Variants in KMT2C observed in about 807,000 individuals in gnomAD.
KMT2C encodes the protein histone-lysine N-methyltransferase 2C.
KMT2C carries 88 observed loss-of-function variants against 507.9 expected under a neutral mutation model. That is an observed-to-expected ratio of 0.17 (90% CI 0.15 to 0.21). The LOEUF (loss-of-function observed/expected upper bound fraction) is 0.21, where lower values mean the gene tolerates loss of function less well. Ranked by LOEUF, KMT2C falls within the 10% of genes least tolerant of loss-of-function variation. The probability of loss-of-function intolerance (pLI) is 1.00; values close to 1 mark genes in which losing one functional copy is unlikely to be tolerated. For synonymous variants in KMT2C, 2,049 were observed against 2,080.8 expected, an observed-to-expected ratio of 0.98 and a Z score of 0.42; for missense variants, 4,954 against 5,957.8, an observed-to-expected ratio of 0.83 and a Z score of 5.55.
Position 152,162,869 on chromosome 7 carries a change from A to G in KMT2C, c.10708T>C (p.Cys3570Arg), listed in dbSNP as rs1415948740. The G allele has an allele frequency of 6.2e-7, 1 of 1,614,208 alleles. No homozygotes were observed. Among genetic ancestry groups the G allele is most frequent in the South Asian group, 1.1e-5 (1 of 91,090 alleles). The change falls in exon 43 of 59, where the codon TGT becomes CGT. Residue 3570 changes from cysteine to arginine, a missense_variant. Cys to Arg is a radical substitution (Grantham distance 180, BLOSUM62 -3). Transcript: ENST00000262189. ...TGGGTTATAGTAGAATCTTGGCCACATGGGAGACTGCTATTAGCTACTGGA... is the reference window on the plus strand; with the variant it reads ...TGGGTTATAGTAGAATCTTGGCCACGTGGGAGACTGCTATTAGCTACTGGA... ...APPVANSSLP[C>R]GQDSTITHGH...
rs185114134 is a variant in KMT2C at position 152,237,731 on chromosome 7, C to T, written c.2652+976G>A. On this transcript the variant is annotated intron_variant, in intron 15 of 58. Coordinates refer to ENST00000262189, the MANE Select transcript of KMT2C (RefSeq NM_170606.3). ...GGCCAGGTTGGCCTCGAACTCCTGA[C>T]CTCAAGTGATCTGCCCCCTCAGCCT... Among the ~76,000 whole-genome samples the T allele has an allele frequency of 5.5e-4, 84 of 152,190 alleles. 1 individual carries two copies. The South Asian group carries it at 0.011, about 20-fold the overall frequency.
At chr7:152,295,813 T>C (rs951316257) in intron 6 of KMT2C, among the ~76,000 whole-genome samples, 26 of 152,192 alleles carry the variant, frequency 1.7e-4, no homozygotes, top group African/African-American at 6.3e-4. Context: ...ACGCCTGTAA[T>C]CCCAGCACTT....
Position 152,250,261 on chromosome 7 carries a change from C to CTT in KMT2C, c.1736-310_1736-309dup, listed in dbSNP as rs1289017714. Among the ~76,000 whole-genome samples, 3 of 152,140 alleles carry CTT rather than the reference C, an allele frequency of 2.0e-5. No homozygotes were observed. The East Asian group carries it at 5.8e-4, about 29-fold the overall frequency. ...AATAAATTTCAAAACATCTCAGTGG[C>CTT]TTTTTATGTATACATTATAATTTTT... On this transcript the variant is annotated intron_variant, in intron 12 of 58. Transcript: ENST00000262189.
intron 6 of KMT2C, among the ~76,000 whole-genome samples, chr7:152,302,007 ATAGGAAGGCTATTTTTG>A (rs2096573343): frequency 3.3e-5 from 5 of 152,288 alleles, no homozygotes; most frequent in Non-Finnish European, 5.9e-5. Flanking sequence ...CCACCTTACT[ATAGGAAGGCTATTTTTG>A]TTTCTGCAGT....
rs781749494 is a variant in KMT2C, at chr7:152,135,825, C to T, written c.*1007G>A. Reference sequence around the variant, plus strand: ...AAAGTTGTAGTCGTAGCATACGCCCCGCTCTGTCAGAAGTAAGGTGTATAA... The same window carrying T: ...AAAGTTGTAGTCGTAGCATACGCCCTGCTCTGTCAGAAGTAAGGTGTATAA... On this transcript the variant is annotated 3_prime_UTR_variant, in exon 59 of 59. Transcript: ENST00000262189. 4.3e-5 allele frequency: 10 copies of T among 230,718 alleles called. No individual in the cohort carries two copies. The highest frequency in any genetic ancestry group is 7.7e-5 in the Non-Finnish European group (9 of 116,356). The allele number at this position is 230,718 out of a possible 1,614,324, so 14.3% of individuals were successfully genotyped here.
chr7:152,200,966 T>C, intron 26 of KMT2C, among the ~76,000 whole-genome samples: 1 of 152,078 alleles, frequency 6.6e-6, no homozygotes, highest in African/African-American at 2.4e-5. Flanking sequence ...GAATACCAGG[T>C]AGAAGAGGAT....
chr7:152,312,492 T>A (rs542375984), intron 4 of KMT2C, among the ~76,000 whole-genome samples: 1 of 152,206 alleles, frequency 6.6e-6, no homozygotes, highest in Admixed American at 6.5e-5. Flanking sequence ...AGCTTTCTTA[T>A]GGTCCCGTCA....
At chr7:152,284,397 C>T (rs2096265427) in intron 6 of KMT2C, among the ~76,000 whole-genome samples, 1 of 151,938 alleles carries the variant, frequency 6.6e-6, no homozygotes, top group Admixed American at 6.6e-5. Context: ...CTAAATAATC[C>T]GTATGGAAAA....
rs779038579 is a variant in KMT2C at position 152,144,770 on chromosome 7, G to A, written c.14286C>T (p.Tyr4762=). ...ATTTCCATTCAGTTTTCATCTTCCG[G>A]TACTGCGATGACTTGGAGTGAACAA... ...KQFVHSKSSQ[Y]RKMKTEWKSN... The change falls in exon 55 of 59, where the codon TAC becomes TAT. Residue 4762 remains tyrosine (Y), a synonymous_variant. Transcript: ENST00000262189. This position sits in a 1 kb window ranked among gnomAD's most constrained non-coding sequence, Gnocchi z 4.4. 4 of 1,613,970 alleles carry A rather than the reference G, an allele frequency of 2.5e-6. No individual in the cohort carries two copies. The highest frequency in any genetic ancestry group is 1.7e-6 in the Non-Finnish European group (2 of 1,180,006).
intron 9 of KMT2C, among the ~76,000 whole-genome samples, chr7:152,255,311 C>T (rs1040235685): frequency 1.3e-5 from 2 of 151,044 alleles, no homozygotes; most frequent in African/African-American, 4.9e-5. Context: ...GGACTATAGG[C>T]GTGTGCCACT....
chr7:152,244,841 G>A (rs1374257600), intron 14 of KMT2C, among the ~76,000 whole-genome samples: 1 of 152,158 alleles, frequency 6.6e-6, no homozygotes. Context: ...TTTGAAACAT[G>A]TCATAAAGAA....
chr7:152,173,045 T>C (rs1416788316), intron 39 of KMT2C, among the ~76,000 whole-genome samples: 1 of 152,136 alleles, frequency 6.6e-6, no homozygotes, highest in Non-Finnish European at 1.5e-5. Context: ...CCAAAAATAT[T>C]CAAGACATAA....
Position 152,435,734 on chromosome 7 carries a change from G to A in KMT2C, c.53C>T (p.Pro18Leu), listed in dbSNP as rs758889240. 19 of 1,528,266 alleles carry A rather than the reference G, an allele frequency of 1.2e-5. No individual in the cohort carries two copies. The highest frequency in any genetic ancestry group is 3.5e-4 in the Middle Eastern group (2 of 5,710). The allele number at this position is 1,528,266 out of a possible 1,614,324, so 94.7% of individuals were successfully genotyped here. The change falls in exon 1 of 59, where the codon CCC (proline) becomes CTC (leucine). Residue 18 changes from proline to leucine, a missense_variant. Transcript: ENST00000262189. ...SVEQPQPPPP[P>L]PEEPGAPAPS... ...GGCCGGGGCTCCAGGCTCCTCGGGG[G>A]GTGGTGGCGGCGGCTGCGGCTGCTC...
At chr7:152,227,557 T>C (rs1400535728) in intron 18 of KMT2C, among the ~76,000 whole-genome samples, 1 of 152,198 alleles carries the variant, frequency 6.6e-6, no homozygotes, top group African/African-American at 2.4e-5. Context: ...GGGAGTCCTA[T>C]GATATTCTGC....
chr7:152,293,593 C>T (rs1206990696), intron 6 of KMT2C, among the ~76,000 whole-genome samples: 2 of 152,128 alleles, frequency 1.3e-5, no homozygotes, highest in Non-Finnish European at 2.9e-5. Context: ...CTCCCCTAAA[C>T]TTTACATTCA....
intron 7 of KMT2C, among the ~76,000 whole-genome samples, chr7:152,270,916 T>C (rs2095954039): frequency 6.6e-6 from 1 of 152,240 alleles, no homozygotes; most frequent in Non-Finnish European, 1.5e-5. Context: ...TGCATGCTTT[T>C]GTTAAATTTC....
intron 6 of KMT2C, among the ~76,000 whole-genome samples, chr7:152,307,207 A>AAG (rs2096624408): frequency 9.0e-6 from 1 of 111,482 alleles, no homozygotes; most frequent in African/African-American, 4.4e-5. Context: ...GGAAGGAAGG[A>AAG]AGGAAGGAAG....
At chr7:152,221,099 TACA>T (rs1451201554) in intron 22 of KMT2C, among the ~76,000 whole-genome samples, 1 of 152,038 alleles carries the variant, frequency 6.6e-6, no homozygotes, top group African/African-American at 2.4e-5. Context: ...CTTCTAAAAA[TACA>T]ACAAATTAGC....
intron 4 of KMT2C, among the ~76,000 whole-genome samples, chr7:152,314,709 C>A (rs1469494605): frequency 2.0e-5 from 3 of 151,924 alleles, no homozygotes; most frequent in Admixed American, 1.3e-4. Context: ...GTAGTGAAAA[C>A]CAATTCTGGA....
Sources: gnomAD v4.1 joint callset for allele counts (sites outside exome capture counted in the v4.1 genomes callset) on GRCh38, gnomAD v4.1.1 for gene constraint, Gnocchi (gnomAD v3.1) non-coding constraint, MANE v1.5 for transcripts, NCBI Gene and HGNC (gene_info 2026-07-23, HGNC 2026-07-21) for gene names.